The following IQCM variants were observed in gnomAD, a reference collection of about 807,000 sequenced individuals.
IQCM encodes the protein IQ domain-containing protein M.
A neutral mutation model predicts 57.6 loss-of-function variants in IQCM; 45 were observed. That is an observed-to-expected ratio of 0.78 (90% CI 0.62 to 1.00). IQCM has a LOEUF of 1.00. IQCM is among the 50% of genes least tolerant of loss of function. IQCM has a pLI of 0.00. For missense variants in IQCM, 468 were observed against 511.6 expected (o/e 0.91, Z 0.82); for synonymous variants, 148 against 158.9 (o/e 0.93, Z 0.51).
At chr4:149,760,764 A>G (rs1769428643) in intron 2 of IQCM, among the ~76,000 whole-genome samples, 1 of 152,086 alleles carries the variant, frequency 6.6e-6, no homozygotes, top group Non-Finnish European at 1.5e-5. Flanking sequence ...CAGTCAAAAA[A>G]TATTAAAACC....
intron 2 of IQCM, among the ~76,000 whole-genome samples, chr4:149,799,872 C>T (rs1026514871): frequency 7.0e-6 from 1 of 142,882 alleles, no homozygotes; most frequent in Non-Finnish European, 1.5e-5. Flanking sequence ...AACAAAAAAA[C>T]AAAAAAAAAC....
rs143840318 is a variant in IQCM at position 149,475,372 on chromosome 4, C to T, written c.1229-41815G>A. Among the ~76,000 whole-genome samples, 5 of 152,112 alleles carry T rather than the reference C, an allele frequency of 3.3e-5. No individual in the cohort carries two copies. In the East Asian group the frequency reaches 9.7e-4, roughly 30 times the overall value. On this transcript the variant is annotated intron_variant, in intron 12 of 13. Transcript: ENST00000636793. ...AAGATGGGTAAGAATATAGGTGGGG[C>T]CAATTTGGACTATAATCAGGAGTTC...
chr4:149,420,720 T>C (rs1348783526), intron 13 of IQCM, among the ~76,000 whole-genome samples: 1 of 152,096 alleles, frequency 6.6e-6, no homozygotes, highest in African/African-American at 2.4e-5. Flanking sequence ...CAGGTTATTA[T>C]TATAGAGTGA....
intron 2 of IQCM, among the ~76,000 whole-genome samples, chr4:149,752,581 T>A (rs1768559723): frequency 6.6e-6 from 1 of 151,768 alleles, no homozygotes; most frequent in Non-Finnish European, 1.5e-5. Context: ...CTGAAAGCTT[T>A]TCCCTAAGGA....
chr4:149,509,700 C>T (rs1311504044), intron 12 of IQCM, among the ~76,000 whole-genome samples: 1 of 152,006 alleles, frequency 6.6e-6, no homozygotes, highest in East Asian at 1.9e-4. Flanking sequence ...ATCGAGACTT[C>T]CACTTTCACT....
At chr4:149,714,710 A>C (rs2149839010) in intron 5 of IQCM, among the ~76,000 whole-genome samples, 1 of 152,324 alleles carries the variant, frequency 6.6e-6, no homozygotes, top group South Asian at 2.1e-4. Context: ...TAATTATAAT[A>C]ATATGCCAGC....
intron 12 of IQCM, among the ~76,000 whole-genome samples, chr4:149,516,965 T>A (rs1745033986): frequency 6.6e-6 from 1 of 151,280 alleles, no homozygotes; most frequent in Non-Finnish European, 1.5e-5. Context: ...TAAGTAAGAG[T>A]ATGCATGGAA....
chr4:149,634,420 A>G (rs1757552951), intron 7 of IQCM, among the ~76,000 whole-genome samples: 1 of 152,238 alleles, frequency 6.6e-6, no homozygotes, highest in Non-Finnish European at 1.5e-5. Context: ...ATTGTAGATT[A>G]CAAAAGGGAT....
intron 8 of IQCM, among the ~76,000 whole-genome samples, chr4:149,612,177 G>A (rs1480184865): frequency 2.6e-5 from 4 of 151,932 alleles, no homozygotes; most frequent in Non-Finnish European, 5.9e-5. Context: ...CAAGGGGGAT[G>A]TCCATTCCCA....
intron 6 of IQCM, among the ~76,000 whole-genome samples, chr4:149,682,520 G>T (rs1292677639): frequency 1.3e-5 from 2 of 151,042 alleles, no homozygotes; most frequent in Admixed American, 6.6e-5. Flanking sequence ...TTTTGCAAGA[G>T]ATTTTTGAGT....
chr4:149,564,314 C>A (rs1389786967), intron 9 of IQCM, among the ~76,000 whole-genome samples: 1 of 152,144 alleles, frequency 6.6e-6, no homozygotes, highest in Non-Finnish European at 1.5e-5. Context: ...AACTTTGATT[C>A]AAATGCTTTG....
intron 12 of IQCM, among the ~76,000 whole-genome samples, chr4:149,517,109 AC>A (rs1745051392): frequency 1.0e-5 from 1 of 99,284 alleles, no homozygotes; most frequent in Non-Finnish European, 2.1e-5. Flanking sequence ...GGGTCACTCC[AC>A]CAGGAAAAAA....
chr4:149,763,996 A>T lies in IQCM; in HGVS notation c.-48-21257T>A, dbSNP rs576860979. Among the ~76,000 whole-genome samples, 16 of 152,218 alleles carry T rather than the reference A, an allele frequency of 1.1e-4. 1 individual carries two copies. Among genetic ancestry groups the T allele is most frequent in the Middle Eastern group, 3.4e-3 (1 of 294 alleles). On this transcript the variant is annotated intron_variant, in intron 2 of 13. Transcript: ENST00000636793. ...AAAAAAAACAAAATAAATAAAAAAT[A>T]AAAAATCCTCAAATTACCTTGTGAA...
intron 5 of IQCM, among the ~76,000 whole-genome samples, chr4:149,690,092 C>T (rs796958585): frequency 4.4e-4 from 67 of 152,090 alleles, no homozygotes; most frequent in African/African-American, 1.5e-3. Context: ...AGTCATCATA[C>T]GAAAAAGATA....
rs142673804 is a variant in IQCM, at chr4:149,665,847, G to A, written c.565+16271C>T. 2.4e-3 allele frequency among the ~76,000 whole-genome samples: 372 copies of A among 152,206 alleles called. 3 individuals carry two copies. Among genetic ancestry groups the A allele is most frequent in the African/African-American group, 8.5e-3 (354 of 41,552 alleles). ...AAAAGCAGGTGGAGAAAGGTGGAAG[G>A]ACTCGACTGGCTAAGTCTTCCGGCC... On this transcript the variant is annotated intron_variant, in intron 7 of 13. Transcript: ENST00000636793.
At chr4:149,668,411 A>G (rs933937374) in intron 7 of IQCM, among the ~76,000 whole-genome samples, 1 of 152,204 alleles carries the variant, frequency 6.6e-6, no homozygotes, top group Non-Finnish European at 1.5e-5. Flanking sequence ...CTGCCTTACA[A>G]GAGCTCCTGA....
intron 12 of IQCM, among the ~76,000 whole-genome samples, chr4:149,528,287 A>G (rs1056540638): frequency 6.6e-6 from 1 of 152,076 alleles, no homozygotes; most frequent in East Asian, 1.9e-4. Flanking sequence ...CACCCAGCCT[A>G]TCTTGATTTT....
At chr4:149,733,073 T>C (rs751458820) in intron 5 of IQCM, among the ~76,000 whole-genome samples, 171 bp downstream of exon 5, 9 of 152,214 alleles carry the variant, frequency 5.9e-5, no homozygotes, top group Admixed American at 1.3e-4. Flanking sequence ...TCTCAATTTC[T>C]GGTGGTGCCC....
chr4:149,636,657 T>C (rs551656586), intron 7 of IQCM, among the ~76,000 whole-genome samples: 2 of 152,316 alleles, frequency 1.3e-5, no homozygotes, highest in East Asian at 3.9e-4. Flanking sequence ...GATTTAAAAA[T>C]AAGGCAGGAG....
Sources: gnomAD v4.1 joint callset for allele counts (sites outside exome capture counted in the v4.1 genomes callset) on GRCh38, gnomAD v4.1.1 for gene constraint, MANE v1.5 for transcripts, NCBI Gene and HGNC (gene_info 2026-07-23, HGNC 2026-07-21) for gene names.